The following RIT2 variants were observed in gnomAD, a reference collection of about 807,000 sequenced individuals.
The protein encoded by RIT2 is Ras like without CAAX 2.
In RIT2, 24 loss-of-function variants were observed where a neutral mutation model predicts 23.7. That is an observed-to-expected ratio of 1.01 (90% CI 0.73 to 1.43). The LOEUF (loss-of-function observed/expected upper bound fraction) is 1.43, where lower values mean the gene tolerates loss of function less well. RIT2 is among the 40% of genes most tolerant of loss of function. The pLI is 0.00. For missense variants in RIT2, 236 were observed against 266.9 expected (o/e 0.88, Z 0.81); for synonymous variants, 107 against 91.1 (o/e 1.17, Z -0.99).
intron 1 of RIT2, among the ~76,000 whole-genome samples, chr18:43,071,072 A>T (rs188975429): frequency 7.4e-4 from 113 of 152,322 alleles, no homozygotes; most frequent in African/African-American, 2.4e-3. Context: ...ATTTTTACCA[A>T]TAATTTTCTG....
At chr18:42,991,025 T>C (rs372506008) in intron 2 of RIT2, among the ~76,000 whole-genome samples, 4 of 151,672 alleles carry the variant, frequency 2.6e-5, no homozygotes, top group Non-Finnish European at 5.9e-5. Flanking sequence ...CCAAGTCTAG[T>C]GCTAGCTTAA....
At chr18:42,843,122 T>G (rs1014666148) in intron 4 of RIT2, among the ~76,000 whole-genome samples, 1 of 152,188 alleles carries the variant, frequency 6.6e-6, no homozygotes, top group Middle Eastern at 3.2e-3. Flanking sequence ...TAAATAGCCA[T>G]GACTAGCAGA....
chr18:42,980,576 G>C (rs1350045989), intron 2 of RIT2, among the ~76,000 whole-genome samples: 1 of 152,084 alleles, frequency 6.6e-6, no homozygotes, highest in African/African-American at 2.4e-5. Flanking sequence ...TCTGCCCAAA[G>C]TGGCCAATCA....
At chr18:42,825,018 T>C (rs967470726) in intron 4 of RIT2, among the ~76,000 whole-genome samples, 3 of 151,904 alleles carry the variant, frequency 2.0e-5, no homozygotes, top group African/African-American at 7.2e-5. Flanking sequence ...ATCTGACATT[T>C]TGCACATATA....
intron 1 of RIT2, among the ~76,000 whole-genome samples, chr18:43,070,001 A>G (rs898350740): frequency 6.6e-6 from 1 of 152,150 alleles, no homozygotes; most frequent in Non-Finnish European, 1.5e-5. Context: ...TCTAAAATGT[A>G]AGTTCTCTAA....
chr18:42,992,154 CCACTT>C (rs1211885782), intron 2 of RIT2, among the ~76,000 whole-genome samples: 1 of 151,764 alleles, frequency 6.6e-6, no homozygotes, highest in African/African-American at 2.4e-5. Context: ...CTCCATTCCT[CCACTT>C]CTTCTCCCTT....
At chr18:42,958,740 G>A (rs751690615) in intron 3 of RIT2, among the ~76,000 whole-genome samples, 4 of 152,070 alleles carry the variant, frequency 2.6e-5, no homozygotes, top group Admixed American at 6.6e-5. Context: ...ACTCTGGAAC[G>A]TGCCCCCTCT....
intron 2 of RIT2, among the ~76,000 whole-genome samples, chr18:42,993,326 T>C (rs933118686): frequency 3.9e-5 from 6 of 152,148 alleles, no homozygotes; most frequent in African/African-American, 1.4e-4. Flanking sequence ...CCTTCCCAGA[T>C]CTTCTCAGCT....
intron 1 of RIT2, among the ~76,000 whole-genome samples, chr18:43,095,476 C>T (rs1300067052): frequency 6.6e-6 from 1 of 151,628 alleles, no homozygotes; most frequent in African/African-American, 2.4e-5. Context: ...CAAACCTGTA[C>T]GTTGTGCACA....
intron 4 of RIT2, among the ~76,000 whole-genome samples, chr18:42,800,553 C>T (rs1040244740): frequency 1.1e-4 from 15 of 140,132 alleles, no homozygotes; most frequent in African/African-American, 3.3e-4. Flanking sequence ...GACGGAGTCT[C>T]GCTCTGTCGC....
intron 4 of RIT2, among the ~76,000 whole-genome samples, chr18:42,857,978 C>T (rs1287164328): frequency 1.3e-5 from 2 of 152,044 alleles, no homozygotes; most frequent in Non-Finnish European, 1.5e-5. Context: ...GTCAGGAGTT[C>T]GAGACCAGCC....
intron 3 of RIT2, among the ~76,000 whole-genome samples, chr18:42,957,908 G>T (rs960741950): frequency 6.6e-6 from 1 of 152,124 alleles, no homozygotes; most frequent in Non-Finnish European, 1.5e-5. Flanking sequence ...AAACCTGTCG[G>T]AGAGAGCTTC....
At chr18:43,028,811 C>T (rs1361033545) in intron 2 of RIT2, among the ~76,000 whole-genome samples, 1 of 152,016 alleles carries the variant, frequency 6.6e-6, no homozygotes, top group Non-Finnish European at 1.5e-5. Flanking sequence ...CTCCCCCGAG[C>T]ATTTATATTT....
chr18:42,780,156 A>G (rs1302136486), intron 4 of RIT2, among the ~76,000 whole-genome samples: 1 of 133,830 alleles, frequency 7.5e-6, no homozygotes, highest in African/African-American at 2.8e-5. Context: ...TTACAGCTTG[A>G]TTTTATATAT....
chr18:42,957,403 G>A (rs898630148), intron 3 of RIT2, among the ~76,000 whole-genome samples: 1 of 152,132 alleles, frequency 6.6e-6, no homozygotes, highest in Admixed American at 6.6e-5. Context: ...GGAGGAGAGA[G>A]AGCTGAGACT....
At chr18:42,943,999 T>G (rs1401182244) in intron 3 of RIT2, among the ~76,000 whole-genome samples, 1 of 152,142 alleles carries the variant, frequency 6.6e-6, no homozygotes, top group Non-Finnish European at 1.5e-5. Context: ...AATAGACTCC[T>G]AGCTGCTTTT....
intron 4 of RIT2, among the ~76,000 whole-genome samples, chr18:42,899,688 C>T (rs1200305097): frequency 6.6e-6 from 1 of 152,022 alleles, no homozygotes; most frequent in Non-Finnish European, 1.5e-5. Context: ...AATATGCATG[C>T]TGTCACTAAA....
At chr18:43,104,730 A>G (rs1232215465) in intron 1 of RIT2, among the ~76,000 whole-genome samples, 12 of 152,178 alleles carry the variant, frequency 7.9e-5, no homozygotes, top group Admixed American at 3.9e-4. Context: ...TAAATATAAT[A>G]GGCAGGAACC....
At chr18:43,106,400 TCACA>T (rs1913823305) in intron 1 of RIT2, among the ~76,000 whole-genome samples, 1 of 152,202 alleles carries the variant, frequency 6.6e-6, no homozygotes. Flanking sequence ...ACATTGATTT[TCACA>T]TATACAAGAA....
Sources: allele counts gnomAD v4.1 joint callset (sites outside exome capture counted in the v4.1 genomes callset), GRCh38; gene constraint gnomAD v4.1.1; transcripts MANE v1.5; gene names NCBI Gene and HGNC (gene_info 2026-07-23, HGNC 2026-07-21).